Variants in ITGA3 observed in about 807,000 individuals in gnomAD.
ITGA3 encodes the protein integrin alpha-3.
Under a neutral mutation model 131.1 loss-of-function variants are expected in ITGA3, and 70 were observed. The observed-to-expected ratio is 0.53, with a 90% confidence interval of 0.44 to 0.65. The LOEUF is 0.65. Among genes scored for constraint, ITGA3 ranks in the 30% least tolerant of loss-of-function variants. The pLI is 0.00. For synonymous variants in ITGA3, 537 were observed against 571.6 expected (o/e 0.94, Z 0.86); for missense variants, 1,098 against 1,388.6 (o/e 0.79, Z 3.33).
At chr17:50,087,890 C>G (rs1181413649) in intron 24 of ITGA3, 21 bp downstream of exon 24, 2 of 1,543,552 alleles carry the variant, frequency 1.3e-6, no homozygotes, top group South Asian at 2.4e-5. Flanking sequence ...CAGCCCACTC[C>G]TGCTCCGGGA....
Position 50,074,548 on chromosome 17 carries a change from GCC to G in ITGA3, c.1469+16_1469+17del. The G allele has an allele frequency of 6.4e-7, 1 of 1,570,750 alleles. No homozygotes were observed. Among genetic ancestry groups the G allele is most frequent in the Non-Finnish European group, 8.8e-7 (1 of 1,140,948 alleles). On this transcript the variant is annotated intron_variant, in intron 10 of 25. Coordinates refer to ENST00000320031, the MANE Select transcript of ITGA3 (RefSeq NM_002204.4). ...GGCCACCTCTTGGTGAGATTGTTCT[GCC>G]CACCTACTCCTCATTTATTTATAGG...
At chr17:50,087,006 T>G (rs75615485) in intron 23 of ITGA3, 13,517 of 152,060 alleles carry the variant, frequency 0.089, 1,011 homozygotes, top group East Asian at 0.33. Context: ...GAGCCAAGAT[T>G]CCACCATTGC....
rs1909601325 is a variant in ITGA3 at position 50,089,208 on chromosome 17, C to T, written c.*130C>T. 2 of 1,613,748 alleles carry T rather than the reference C, an allele frequency of 1.2e-6. No individual in the cohort carries two copies. Among genetic ancestry groups the T allele is most frequent in the East Asian group, 2.2e-5 (1 of 44,884 alleles). ...AGCGCTACCCACCTCCAGGGAGCAC[C>T]CTGCCCACCAAGAAGCACTGGGTGA... On this transcript the variant is annotated 3_prime_UTR_variant, in exon 26 of 26. Coordinates refer to ENST00000320031, the MANE Select transcript of ITGA3 (RefSeq NM_002204.4).
In ITGA3 at chr17:50,075,466, G is replaced by A. The variant is rs1567701002; in HGVS notation, c.1477G>A (p.Val493Met). The change falls in exon 11 of 26, where the codon GTG (valine) becomes ATG (methionine). Residue 493 changes from valine (V) to methionine (M), a missense_variant. Val to Met is a conservative substitution (Grantham distance 21). This residue lies in a region of ITGA3 where 699 missense variants were observed against 829.2 expected (regional missense o/e 0.84). Coordinates refer to ENST00000320031, the MANE Select transcript of ITGA3 (RefSeq NM_002204.4). Reference sequence around the variant, plus strand: ...TGTACATCCCTCCAACAGTGTGCAAGTGGAGCTGTGCTTTGCTTACAACCA... The same window carrying A: ...TGTACATCCCTCCAACAGTGTGCAAATGGAGCTGTGCTTTGCTTACAACCA... The part of the protein sequence containing the change: ...ALCTATSCVQ[V>M]ELCFAYNQSA... 3 of 1,614,214 alleles carry A rather than the reference G, an allele frequency of 1.9e-6. No individual in the cohort carries two copies. The highest frequency in any genetic ancestry group is 4.5e-5 in the East Asian group (2 of 44,882).
At chr17:50,081,602 G>A (rs376479056) in intron 23 of ITGA3, among the ~76,000 whole-genome samples, 194 bp downstream of exon 23, 42 of 152,262 alleles carry the variant, frequency 2.8e-4, no homozygotes, top group African/African-American at 6.0e-4. Flanking sequence ...AGTGGATTCC[G>A]GGATTGCTGT....
rs762763548 is a variant in ITGA3 at position 50,088,337 on chromosome 17, G to C, written c.*2G>C. The C allele has an allele frequency of 6.4e-7, 1 of 1,565,458 alleles. No homozygotes were observed. The highest frequency in any genetic ancestry group is 8.7e-7 in the Non-Finnish European group (1 of 1,155,460). On this transcript the variant is annotated 3_prime_UTR_variant, in exon 25 of 26. Transcript: ENST00000320031. The stretch of plus-strand genomic sequence containing the variant: ...GAGAGGCTGACCGACGACTACTGAG[G>C]GGGCAGCCCCCCGCCCCCGGCCCAC...
intron 7 of ITGA3, 138 bp from the exon 8 acceptor site, chr17:50,073,778 G>T: frequency 1.5e-6 from 1 of 673,944 alleles, no homozygotes; most frequent in Non-Finnish European, 2.7e-6. Flanking sequence ...GCTCTGCTCT[G>T]TCCCTGATGC....
chr17:50,057,028 G>C (rs116865482), intron 1 of ITGA3, among the ~76,000 whole-genome samples: 474 of 152,298 alleles, frequency 3.1e-3, no homozygotes, highest in Non-Finnish European at 3.4e-3. Flanking sequence ...CCCCCTTCCC[G>C]TACGCTTGGG....
At chr17:50,072,608 T>G (rs1387800819) in intron 7 of ITGA3, among the ~76,000 whole-genome samples, 2 of 151,870 alleles carry the variant, frequency 1.3e-5, no homozygotes, top group Non-Finnish European at 2.9e-5. Context: ...GGATTTATAT[T>G]TGGGTAATGG....
intron 4 of ITGA3, among the ~76,000 whole-genome samples, chr17:50,068,825 T>TTA (rs1416619870): frequency 1.3e-4 from 17 of 133,090 alleles, no homozygotes; most frequent in African/African-American, 4.3e-4. Flanking sequence ...TTTATTTATT[T>TTA]ATTTATTTAT....
In ITGA3 at chr17:50,088,260, G is replaced by A; in HGVS notation, c.3081G>A (p.Leu1027=). 2.5e-6 allele frequency: 4 copies of A among 1,584,230 alleles called. No individual in the cohort carries two copies. Among genetic ancestry groups the A allele is most frequent in the Non-Finnish European group, 3.4e-6 (4 of 1,165,374 alleles). The change falls in exon 25 of 26, where the codon CTG becomes CTA. Residue 1027 remains leucine, a synonymous_variant. Transcript: ENST00000320031. ...GFFKRARTRA[L]YEAKRQKAEM... ...TCAAGCGAGCCCGCACTCGCGCCCT[G>A]TATGAAGCTAAGAGGCAGAAGGCGG...
At chr17:50,071,215 TG>T in intron 5 of ITGA3, 95 bp from the exon 6 acceptor site, 1 of 1,112,862 alleles carries the variant, frequency 9.0e-7, no homozygotes, top group South Asian at 1.4e-5. Flanking sequence ...TAGAACATCA[TG>T]GTGGGGGGCA....
chr17:50,075,842 G>A, intron 12 of ITGA3, 107 bp downstream of exon 12: 1 of 1,182,074 alleles, frequency 8.5e-7, no homozygotes, highest in Non-Finnish European at 1.2e-6. Context: ...CAGAGACAGA[G>A]GTTGGGGACA....
At chr17:50,087,971 AC>A in intron 24 of ITGA3, 102 bp downstream of exon 24, 2 of 1,396,820 alleles carry the variant, frequency 1.4e-6, no homozygotes, top group Non-Finnish European at 9.6e-7. Context: ...CTTCCATCTC[AC>A]CCCCACCCTT....
At chr17:50,077,551 C>A (rs1007862621) in intron 16 of ITGA3, 104 bp downstream of exon 16, 6 of 910,908 alleles carry the variant, frequency 6.6e-6, no homozygotes, top group Non-Finnish European at 8.9e-6. Flanking sequence ...TGGGCTCCCT[C>A]GAAGTGGAGA....
intron 3 of ITGA3, among the ~76,000 whole-genome samples, chr17:50,067,535 T>G (rs2144271350): frequency 6.6e-6 from 1 of 152,322 alleles, no homozygotes; most frequent in South Asian, 2.1e-4. Flanking sequence ...GGGGAAATAA[T>G]CATTCCTACA....
chr17:50,066,952 G>T (rs766423725), intron 3 of ITGA3, among the ~76,000 whole-genome samples: 6 of 152,156 alleles, frequency 3.9e-5, no homozygotes, highest in Non-Finnish European at 5.9e-5. Flanking sequence ...CCACTGCTGG[G>T]ATTTCTGTCA....
chr17:50,069,869 C>G (rs1027639876), intron 4 of ITGA3, among the ~76,000 whole-genome samples: 1 of 152,132 alleles, frequency 6.6e-6, no homozygotes, highest in African/African-American at 2.4e-5. Flanking sequence ...CTTTGCCTCC[C>G]TCCATCACAC....
chr17:50,079,120 C>T lies in ITGA3; in HGVS notation c.2445C>T (p.Val815=), dbSNP rs1909061139. 2.1e-5 allele frequency: 34 copies of T among 1,613,858 alleles called. No homozygotes were observed. The highest frequency in any genetic ancestry group is 2.9e-5 in the Non-Finnish European group (34 of 1,179,956). ...GEGLVGLGTL[V]LGLEWPYEVS... ...GGCTGGTGGGCCTGGGGACCCTGGT[C>T]CTAGGTCTGGAGTGGCCCTACGAAG... Residue 815 remains valine (V), a synonymous_variant, in exon 20 of 26, where the codon GTC becomes GTT. Coordinates refer to ENST00000320031, the MANE Select transcript of ITGA3 (RefSeq NM_002204.4).
Sources: allele counts gnomAD v4.1 joint callset (sites outside exome capture counted in the v4.1 genomes callset), GRCh38; gene constraint gnomAD v4.1.1; regional missense constraint gnomAD v4.1.1; transcripts MANE v1.5; gene names NCBI Gene and HGNC (gene_info 2026-07-23, HGNC 2026-07-21).